The following SPAG16 variants were observed in gnomAD, a reference collection of about 807,000 sequenced individuals.
The protein encoded by SPAG16 is sperm associated antigen 16.
Under a neutral mutation model 80.4 loss-of-function variants are expected in SPAG16, and 86 were observed. That is an observed-to-expected ratio of 1.07 (90% CI 0.90 to 1.28). The LOEUF is 1.28. Ranked by LOEUF, SPAG16 falls within the 50% of genes most tolerant of loss-of-function variation. The probability of loss-of-function intolerance (pLI) is 0.00; values close to 1 mark genes in which losing one functional copy is unlikely to be tolerated. For synonymous variants in SPAG16, 294 were observed against 265.9 expected (o/e 1.11, Z -1.03); for missense variants, 870 against 765.3 (o/e 1.14, Z -1.61).
chr2:214,338,560 T>C (rs1282866293), intron 15 of SPAG16, among the ~76,000 whole-genome samples: 2 of 152,160 alleles, frequency 1.3e-5, no homozygotes, highest in African/African-American at 4.8e-5. Context: ...CCTATGGTTG[T>C]GAAATTAGAT....
chr2:213,766,933 C>T (rs1221879307), intron 10 of SPAG16, among the ~76,000 whole-genome samples: 2 of 152,158 alleles, frequency 1.3e-5, no homozygotes, highest in Non-Finnish European at 2.9e-5. Context: ...TCCTGCGAGG[C>T]CTGCCGGGTA....
intron 10 of SPAG16, among the ~76,000 whole-genome samples, chr2:213,725,023 A>C (rs1341509597): frequency 6.6e-6 from 1 of 151,878 alleles, no homozygotes; most frequent in Non-Finnish European, 1.5e-5. Flanking sequence ...AAACCAAATA[A>C]GACTCTGCTC....
At chr2:214,222,110 C>CTTTTTT (rs10694178) in intron 15 of SPAG16, among the ~76,000 whole-genome samples, 61 of 103,580 alleles carry the variant, frequency 5.9e-4, no homozygotes, top group East Asian at 1.2e-3. Context: ...CCTTGCTATT[C>CTTTTTT]TTTTTTTTTT....
chr2:213,327,560 G>A (rs188139120), intron 5 of SPAG16, among the ~76,000 whole-genome samples: 21 of 152,156 alleles, frequency 1.4e-4, no homozygotes, highest in African/African-American at 4.3e-4. Flanking sequence ...AAATTTTGCA[G>A]CGTTATTTCT....
chr2:213,715,707 T>C (rs1574916233), intron 10 of SPAG16, among the ~76,000 whole-genome samples: 1 of 152,188 alleles, frequency 6.6e-6, no homozygotes, highest in African/African-American at 2.4e-5. Flanking sequence ...TACCTGACAT[T>C]AGTTGTATGG....
chr2:214,050,655 A>T (rs188444048), intron 13 of SPAG16, among the ~76,000 whole-genome samples: 1,589 of 152,274 alleles, frequency 0.01, 10 homozygotes, highest in Non-Finnish European at 0.014. Flanking sequence ...TATGTATTTT[A>T]AAAAGCCCAT....
At chr2:213,379,619 G>A (rs1453981615) in intron 9 of SPAG16, among the ~76,000 whole-genome samples, 1 of 152,172 alleles carries the variant, frequency 6.6e-6, no homozygotes, top group African/African-American at 2.4e-5. Context: ...CAGAGTAAGT[G>A]TCTATTCCAG....
intron 12 of SPAG16, among the ~76,000 whole-genome samples, chr2:213,949,414 G>C (rs184109006): frequency 4.0e-5 from 6 of 151,872 alleles, no homozygotes; most frequent in Admixed American, 6.6e-5. Flanking sequence ...TGATCTACCC[G>C]CCTCGGCCTC....
chr2:214,291,072 A>G (rs1425575963), intron 15 of SPAG16, among the ~76,000 whole-genome samples: 1 of 151,900 alleles, frequency 6.6e-6, no homozygotes, highest in Non-Finnish European at 1.5e-5. Context: ...TAGAATTGTT[A>G]TTTCCTATTG....
chr2:213,675,520 G>A (rs187022054), intron 10 of SPAG16, among the ~76,000 whole-genome samples: 10 of 151,978 alleles, frequency 6.6e-5, no homozygotes, highest in African/African-American at 2.4e-4. Flanking sequence ...TGGTTTTAGG[G>A]CTAACATTTA....
At chr2:213,883,148 T>C (rs1024611207) in intron 11 of SPAG16, among the ~76,000 whole-genome samples, 2 of 152,234 alleles carry the variant, frequency 1.3e-5, no homozygotes, top group Non-Finnish European at 2.9e-5. Flanking sequence ...TGTTTAGCAA[T>C]ATAAACTCTC....
rs540727403 is a variant in SPAG16, at chr2:213,388,120, C to T, written c.942+13001C>T. Among the ~76,000 whole-genome samples, 23 of 152,312 alleles carry T rather than the reference C, an allele frequency of 1.5e-4. No individual in the cohort carries two copies. In the South Asian group the frequency reaches 4.8e-3, roughly 32 times the overall value. ...CTCTTAGTATATCAGCACCTACCTT[C>T]AGCCACCCTAGCTCTGTGGCAGGCA... On this transcript the variant is annotated intron_variant, in intron 9 of 15. Transcript: ENST00000331683.
chr2:213,604,114 A>C (rs910033426), intron 10 of SPAG16, among the ~76,000 whole-genome samples: 6 of 151,184 alleles, frequency 4.0e-5, no homozygotes, highest in Non-Finnish European at 8.9e-5. Context: ...CTGGTCTTGA[A>C]CTCCTGACCT....
chr2:213,634,659 A>T (rs1282161032), intron 10 of SPAG16, among the ~76,000 whole-genome samples: 2 of 152,108 alleles, frequency 1.3e-5, no homozygotes, highest in Non-Finnish European at 2.9e-5. Context: ...TTACATGGAT[A>T]AGTTCTTTAG....
chr2:213,589,186 G>T (rs541158222), intron 10 of SPAG16, among the ~76,000 whole-genome samples: 1 of 152,158 alleles, frequency 6.6e-6, no homozygotes, highest in Non-Finnish European at 1.5e-5. Context: ...AGTTTCCTCA[G>T]TTGTGTTGGG....
Position 214,341,485 on chromosome 2 carries a change from G to A in SPAG16, c.1721-68655G>A, listed in dbSNP as rs73989435. On this transcript the variant is annotated intron_variant, in intron 15 of 15. Coordinates refer to ENST00000331683, the MANE Select transcript of SPAG16 (RefSeq NM_024532.5). ...TGAACTACAAATTTTCAAGGAGTCT[G>A]CAGAGAAGGAAACTTGTAAATGAGA... 3.6e-3 allele frequency among the ~76,000 whole-genome samples: 553 copies of A among 152,294 alleles called. 3 individuals carry two copies. The highest frequency in any genetic ancestry group is 0.012 in the African/African-American group (518 of 41,572).
At chr2:214,024,452 T>C (rs1208368338) in intron 13 of SPAG16, among the ~76,000 whole-genome samples, 2 of 151,626 alleles carry the variant, frequency 1.3e-5, no homozygotes, top group African/African-American at 4.8e-5. Context: ...ATATCTGTAG[T>C]GAACACAAAA....
chr2:213,526,909 GA>G (rs561784024), intron 10 of SPAG16, among the ~76,000 whole-genome samples: 52 of 152,282 alleles, frequency 3.4e-4, no homozygotes, highest in African/African-American at 1.2e-3. Flanking sequence ...GTAAAGGTTA[GA>G]ATCTACAGGT....
At chr2:214,140,954 T>TGGGG (rs2055326865) in intron 14 of SPAG16, among the ~76,000 whole-genome samples, 4 of 29,112 alleles carry the variant, frequency 1.4e-4, no homozygotes, top group Non-Finnish European at 2.9e-4. Context: ...GGGTGGGGGG[T>TGGGG]GGGGGGATGT....
Sources: allele counts gnomAD v4.1 joint callset (sites outside exome capture counted in the v4.1 genomes callset), GRCh38; gene constraint gnomAD v4.1.1; transcripts MANE v1.5; gene names NCBI Gene and HGNC (gene_info 2026-07-23, HGNC 2026-07-21).